The following KAZN variants were observed in gnomAD, a reference collection of about 807,000 sequenced individuals.
The protein encoded by KAZN is kazrin, periplakin interacting protein.
A neutral mutation model predicts 87.4 loss-of-function variants in KAZN; 40 were observed. That is an observed-to-expected ratio of 0.46 (90% CI 0.36 to 0.60). The LOEUF (loss-of-function observed/expected upper bound fraction) is 0.60. KAZN is among the 20% of genes least tolerant of loss of function. The probability of loss-of-function intolerance (pLI) is 0.00; values close to 1 mark genes in which losing one functional copy is unlikely to be tolerated. For synonymous variants in KAZN, 466 were observed against 458.3 expected (o/e 1.02, Z -0.22); for missense variants, 898 against 1,073.9 (o/e 0.84, Z 2.29).
intron 1 of KAZN, among the ~76,000 whole-genome samples, chr1:14,840,805 T>C (rs1233429006): frequency 1.3e-5 from 2 of 152,186 alleles, no homozygotes; most frequent in Non-Finnish European, 2.9e-5. Flanking sequence ...GAAGGGTAAT[T>C]TATTCATATC....
Position 13,963,037 on chromosome 1 carries a change from G to C in KAZN, c.91+69281G>C, listed in dbSNP as rs1343323238. ...TTGGGGCCAGTTTGTAGGGACTTGTGTATCATTATAGGAAGCTGGAACTTT... is the reference window on the plus strand; with the variant it reads ...TTGGGGCCAGTTTGTAGGGACTTGTCTATCATTATAGGAAGCTGGAACTTT... On this transcript the variant is annotated intron_variant, in intron 1 of 16. Transcript: ENST00000636203. 2.0e-5 allele frequency among the ~76,000 whole-genome samples: 3 copies of C among 152,128 alleles called. No homozygotes were observed. The South Asian group carries it at 6.2e-4, about 32-fold the overall frequency.
At chr1:14,954,609 G>A (rs539223380) in intron 1 of KAZN, among the ~76,000 whole-genome samples, 21 of 152,332 alleles carry the variant, frequency 1.4e-4, no homozygotes, top group Non-Finnish European at 2.5e-4. Flanking sequence ...GTGGGTGCAC[G>A]TGAAATGTGG....
At chr1:14,034,735 C>T (rs933943770) in intron 1 of KAZN, among the ~76,000 whole-genome samples, 1 of 152,280 alleles carries the variant, frequency 6.6e-6, no homozygotes, top group Non-Finnish European at 1.5e-5. Context: ...GTTGGGTGCA[C>T]TTAGTGCCTG....
chr1:14,008,781 C>T (rs1640150035), intron 1 of KAZN, among the ~76,000 whole-genome samples: 1 of 152,124 alleles, frequency 6.6e-6, no homozygotes, highest in South Asian at 2.1e-4. Flanking sequence ...TTTCTCTTTT[C>T]CCAGTTTTTA....
intron 2 of KAZN, among the ~76,000 whole-genome samples, chr1:14,315,219 C>A (rs550027793): frequency 6.6e-6 from 1 of 152,134 alleles, no homozygotes; most frequent in Non-Finnish European, 1.5e-5. Context: ...AGAAATGTTC[C>A]TTAAGGGAAG....
At chr1:14,984,929 A>G (rs1446165966) in intron 2 of KAZN, among the ~76,000 whole-genome samples, 1 of 151,686 alleles carries the variant, frequency 6.6e-6, no homozygotes, top group Non-Finnish European at 1.5e-5. Flanking sequence ...CGAGGTCAGG[A>G]GTTCAAGACC....
chr1:14,588,082 T>C (rs545996750), intron 2 of KAZN, among the ~76,000 whole-genome samples: 2 of 152,176 alleles, frequency 1.3e-5, no homozygotes, highest in East Asian at 3.9e-4. Flanking sequence ...TTAACCTTCC[T>C]GAGTCTCAGT....
At chr1:14,701,142 G>C (rs1314621046) in intron 1 of KAZN, among the ~76,000 whole-genome samples, 1 of 152,138 alleles carries the variant, frequency 6.6e-6, no homozygotes, top group Non-Finnish European at 1.5e-5. Context: ...TCTGAGACAG[G>C]AAGTCGCTCT....
rs185336303 is a variant in KAZN at position 13,982,862 on chromosome 1, C to T, written c.91+89106C>T. On this transcript the variant is annotated intron_variant, in intron 1 of 16. Transcript: ENST00000636203. ...AAACCTTGAGCTAGATACAGAGTGC[C>T]CATTGGTGTATTTACAATCCCTGAG... 5.7e-3 allele frequency among the ~76,000 whole-genome samples: 861 copies of T among 152,116 alleles called. 6 individuals carry two copies. The highest frequency in any genetic ancestry group is 9.1e-3 in the Non-Finnish European group (618 of 67,998).
chr1:14,170,820 C>T (rs574429927), intron 1 of KAZN, among the ~76,000 whole-genome samples: 1 of 152,262 alleles, frequency 6.6e-6, no homozygotes, highest in African/African-American at 2.4e-5. Context: ...CTCCTGGGTT[C>T]AAGCGATTCT....
intron 2 of KAZN, among the ~76,000 whole-genome samples, chr1:14,287,670 A>G (rs1653358984): frequency 6.6e-6 from 1 of 152,092 alleles, no homozygotes; most frequent in South Asian, 2.1e-4. Context: ...AATACCCTTT[A>G]TTTCTTTCTC....
At chr1:15,023,759 A>AT (rs1327946793) in intron 2 of KAZN, among the ~76,000 whole-genome samples, 2 of 136,084 alleles carry the variant, frequency 1.5e-5, no homozygotes, top group African/African-American at 5.4e-5. Flanking sequence ...TGTGACCCAG[A>AT]TATGGGGGTG....
chr1:14,447,518 C>G (rs1430458290), intron 2 of KAZN, among the ~76,000 whole-genome samples: 1 of 152,118 alleles, frequency 6.6e-6, no homozygotes, highest in Non-Finnish European at 1.5e-5. Context: ...GGATTACAGG[C>G]ATGAGCCACC....
At chr1:15,088,386 T>A (rs1640367931) in intron 8 of KAZN, among the ~76,000 whole-genome samples, 1 of 151,616 alleles carries the variant, frequency 6.6e-6, no homozygotes, top group Admixed American at 6.6e-5. Context: ...TGGGGGGGTG[T>A]GCATGCGTGC....
chr1:14,274,674 G>A (rs1332861837), intron 2 of KAZN, among the ~76,000 whole-genome samples: 1 of 152,108 alleles, frequency 6.6e-6, no homozygotes, highest in East Asian at 1.9e-4. Context: ...CATCCACCCT[G>A]GGTTTGACTT....
rs947251135 is a variant in KAZN at position 14,943,076 on chromosome 1, T to G, written c.227-17608T>G. Among the ~76,000 whole-genome samples, 5 of 148,352 alleles carry G rather than the reference T, an allele frequency of 3.4e-5. 1 individual carries two copies. The highest frequency in any genetic ancestry group is 1.3e-4 in the African/African-American group (5 of 38,986). ...TTGGGGAGGAGAGCCTTGGGTTTTT[T>G]TTTTTTTTTAATTTACATTTTTCGA... On this transcript the variant is annotated intron_variant, in intron 1 of 14. Coordinates refer to ENST00000376030, the MANE Select transcript of KAZN (RefSeq NM_201628.3).
At chr1:14,174,626 T>A (rs12563605) in intron 1 of KAZN, among the ~76,000 whole-genome samples, 18,748 of 152,156 alleles carry the variant, frequency 0.12, 1,277 homozygotes, top group East Asian at 0.33. Context: ...AAGAAATAAA[T>A]AACCAAAGGG....
chr1:14,660,792 G>A (rs375231182), intron 1 of KAZN, among the ~76,000 whole-genome samples: 26 of 150,812 alleles, frequency 1.7e-4, no homozygotes, highest in East Asian at 1.5e-3. Context: ...TGCTGAAATC[G>A]TGGCCAATGA....
At chr1:14,784,952 C>A (rs1200191553) in intron 1 of KAZN, among the ~76,000 whole-genome samples, 1 of 150,950 alleles carries the variant, frequency 6.6e-6, no homozygotes. Context: ...TGATTTTGAT[C>A]TCGGCTAGAC....
Sources: gnomAD v4.1 joint callset for allele counts (sites outside exome capture counted in the v4.1 genomes callset) on GRCh38, gnomAD v4.1.1 for gene constraint, MANE v1.5 for transcripts, NCBI Gene and HGNC (gene_info 2026-07-23, HGNC 2026-07-21) for gene names.